The following ADAMTS3 variants were observed in gnomAD, a reference collection of about 807,000 sequenced individuals.
The protein encoded by ADAMTS3 is ADAM metallopeptidase with thrombospondin type 1 motif 3, also known as A disintegrin and metalloproteinase with thrombospondin motifs 3.
In ADAMTS3, 73 loss-of-function variants were observed where a neutral mutation model predicts 129.0. The ratio of observed to expected loss-of-function variants is 0.57; its 90% CI spans 0.47 to 0.69. The LOEUF (loss-of-function observed/expected upper bound fraction) is 0.69, where lower values mean the gene tolerates loss of function less well. ADAMTS3 is among the 30% of genes least tolerant of loss of function. The pLI is 0.00. For synonymous variants in ADAMTS3, 477 were observed against 510.8 expected (o/e 0.93, Z 0.89); for missense variants, 1,457 against 1,514.5 (o/e 0.96, Z 0.63).
At position 72,289,210 on chromosome 4, in the gene ADAMTS3, C is replaced by T. The variant is rs76126458; in HGVS notation, c.2932-342G>A. Among the ~76,000 whole-genome samples, 578 of 152,164 alleles carry T rather than the reference C, an allele frequency of 3.8e-3. 4 individuals carry two copies. The highest frequency in any genetic ancestry group is 0.013 in the African/African-American group (546 of 41,514). Reference sequence around the variant, plus strand: ...AAGTGTATAAAGCAGTAACAAAATTCCTGACACCTAGTAAGCATATCATAT... The same window carrying T: ...AAGTGTATAAAGCAGTAACAAAATTTCTGACACCTAGTAAGCATATCATAT... On this transcript the variant is annotated intron_variant, in intron 20 of 21. Transcript: ENST00000286657.
At chr4:72,354,359 AG>A (rs1267481400) in intron 4 of ADAMTS3, among the ~76,000 whole-genome samples, 4 of 151,896 alleles carry the variant, frequency 2.6e-5, no homozygotes, top group African/African-American at 9.7e-5. Context: ...CCTTCTTTCT[AG>A]ACCACTCTCT....
chr4:72,484,016 T>A (rs1400116496), intron 3 of ADAMTS3, among the ~76,000 whole-genome samples: 1 of 151,892 alleles, frequency 6.6e-6, no homozygotes, highest in Non-Finnish European at 1.5e-5. Context: ...GGACTCCGTC[T>A]CAAAAAAGAA....
intron 5 of ADAMTS3, among the ~76,000 whole-genome samples, chr4:72,324,007 T>C (rs1560472979): frequency 6.6e-6 from 1 of 151,610 alleles, no homozygotes; most frequent in Non-Finnish European, 1.5e-5. Context: ...AAATAAAAAA[T>C]GCTAGCAGGA....
intron 3 of ADAMTS3, among the ~76,000 whole-genome samples, chr4:72,448,979 A>G (rs1279294493): frequency 6.6e-6 from 1 of 151,646 alleles, no homozygotes; most frequent in Admixed American, 6.6e-5. Flanking sequence ...GGACCTCCAC[A>G]TTGACTAAGC....
chr4:72,354,843 T>C (rs753970656), intron 4 of ADAMTS3, among the ~76,000 whole-genome samples: 4 of 152,030 alleles, frequency 2.6e-5, no homozygotes, highest in African/African-American at 7.2e-5. Flanking sequence ...ATATTTGCCA[T>C]TCTATCTGCA....
chr4:72,531,467 G>A (rs965824033), intron 3 of ADAMTS3, among the ~76,000 whole-genome samples: 6 of 152,110 alleles, frequency 3.9e-5, no homozygotes, highest in African/African-American at 1.4e-4. Context: ...ATCATCACTG[G>A]GTATTTGAAG....
At chr4:72,497,270 C>A (rs565620169) in intron 3 of ADAMTS3, among the ~76,000 whole-genome samples, 1 of 152,094 alleles carries the variant, frequency 6.6e-6, no homozygotes, top group African/African-American at 2.4e-5. Context: ...TATACAGACA[C>A]TACCACAAAA....
intron 3 of ADAMTS3, among the ~76,000 whole-genome samples, chr4:72,429,662 T>C (rs1045612663): frequency 1.3e-4 from 20 of 152,184 alleles, no homozygotes; most frequent in African/African-American, 2.6e-4. Context: ...ATTAAAGATA[T>C]AGTCATTGCT....
chr4:72,568,786 C>T lies in ADAMTS3; in HGVS notation c.-24G>A. 6.2e-7 allele frequency: 1 copy of T among 1,603,806 alleles called. No homozygotes were observed. Among genetic ancestry groups the T allele is most frequent in the Non-Finnish European group, 8.5e-7 (1 of 1,171,856 alleles). On this transcript the variant is annotated 5_prime_UTR_variant, in exon 1 of 22. Transcript: ENST00000286657. ...ATCACGAGTCGAGTTCACTTTCCAA[C>T]TACTGGGCAAAGCAAATGCCCAGAG...
chr4:72,449,558 C>A (rs956280272), intron 3 of ADAMTS3, among the ~76,000 whole-genome samples: 8 of 151,810 alleles, frequency 5.3e-5, no homozygotes, highest in Non-Finnish European at 5.9e-5. Context: ...TCACACCTCA[C>A]CTGAACAACA....
At chr4:72,381,962 C>G (rs894523808) in intron 4 of ADAMTS3, among the ~76,000 whole-genome samples, 2 of 152,058 alleles carry the variant, frequency 1.3e-5, no homozygotes, top group African/African-American at 2.4e-5. Flanking sequence ...CAGAAGATTC[C>G]CTGCAGAAGA....
chr4:72,295,913 C>T (rs1427995727), intron 18 of ADAMTS3, 127 bp from the exon 19 acceptor site: 12 of 1,172,206 alleles, frequency 1.0e-5, no homozygotes, highest in South Asian at 6.3e-5. Flanking sequence ...GCATACAAAC[C>T]GGCACTTCAA....
chr4:72,474,851 C>T (rs1329014579), intron 3 of ADAMTS3, among the ~76,000 whole-genome samples: 1 of 151,314 alleles, frequency 6.6e-6, no homozygotes, highest in Non-Finnish European at 1.5e-5. Flanking sequence ...ACGGTGAAAC[C>T]CCGTCTCTAC....
chr4:72,537,501 T>C (rs1225102693), intron 3 of ADAMTS3, among the ~76,000 whole-genome samples: 1 of 152,172 alleles, frequency 6.6e-6, no homozygotes, highest in African/African-American at 2.4e-5. Context: ...TGAAAGTCAT[T>C]GTGCATGCCC....
At chr4:72,421,577 C>T (rs1298113072) in intron 3 of ADAMTS3, among the ~76,000 whole-genome samples, 1 of 151,988 alleles carries the variant, frequency 6.6e-6, no homozygotes, top group Non-Finnish European at 1.5e-5. Context: ...AGAGTTTTGT[C>T]AAAGAAAAAG....
chr4:72,568,409 C>T (rs1722077198), intron 1 of ADAMTS3, among the ~76,000 whole-genome samples: 1 of 152,092 alleles, frequency 6.6e-6, no homozygotes, highest in African/African-American at 2.4e-5. Context: ...GAACTGGCTG[C>T]GGTTTGTCAC....
At chr4:72,533,673 A>ATAAGTATATATACATATATATG (rs1721110142) in intron 3 of ADAMTS3, among the ~76,000 whole-genome samples, 2 of 151,372 alleles carry the variant, frequency 1.3e-5, no homozygotes, top group Non-Finnish European at 2.9e-5. Flanking sequence ...GTATATGCAC[A>ATAAGTATATATACATATATATG]TATATGCACA....
intron 3 of ADAMTS3, among the ~76,000 whole-genome samples, chr4:72,491,643 C>A (rs1719748301): frequency 6.6e-6 from 1 of 151,648 alleles, no homozygotes; most frequent in South Asian, 2.1e-4. Flanking sequence ...GTGTTGGATC[C>A]TTTTATCATG....
intron 2 of ADAMTS3, among the ~76,000 whole-genome samples, chr4:72,565,523 A>T (rs1332899512): frequency 6.6e-6 from 1 of 152,226 alleles, no homozygotes; most frequent in Non-Finnish European, 1.5e-5. Context: ...AATGATAGTT[A>T]TACTTTTGCT....
Sources: allele counts gnomAD v4.1 joint callset (sites outside exome capture counted in the v4.1 genomes callset), GRCh38; gene constraint gnomAD v4.1.1; transcripts MANE v1.5; gene names NCBI Gene and HGNC (gene_info 2026-07-23, HGNC 2026-07-21).